Variants in C4orf50 observed in about 807,000 individuals in gnomAD.
C4orf50 encodes the protein uncharacterized protein C4orf50.
Under a neutral mutation model 77.2 loss-of-function variants are expected in C4orf50, and 80 were observed. That is an observed-to-expected ratio of 1.04 (90% CI 0.87 to 1.25). The LOEUF is 1.25. Ranked by LOEUF, C4orf50 falls within the 50% of genes most tolerant of loss-of-function variation. The pLI is 0.00. For missense variants in C4orf50, 1,257 were observed against 1,152.9 expected (o/e 1.09, Z -1.31); for synonymous variants, 532 against 465.3 (o/e 1.14, Z -1.84).
chr4:5,973,558 G>A, intron 31 of C4orf50, 101 bp downstream of exon 9: 2 of 992,040 alleles, frequency 2.0e-6, no homozygotes, highest in Non-Finnish European at 3.1e-6. Flanking sequence ...CGGTGGGAGG[G>A]AGGGAGGAAA....
intron 25 of C4orf50, among the ~76,000 whole-genome samples, chr4:6,003,678 TA>T (rs1721956152): frequency 7.4e-6 from 1 of 134,334 alleles, no homozygotes; most frequent in African/African-American, 2.8e-5. Flanking sequence ...ATGGTGATGA[TA>T]GTGATGATGG....
chr4:5,972,472 G>T (rs1200145324), intron 31 of C4orf50, among the ~76,000 whole-genome samples: 1 of 152,152 alleles, frequency 6.6e-6, no homozygotes, highest in Non-Finnish European at 1.5e-5. Flanking sequence ...GGGAGTCTGG[G>T]GCTCTGGATT....
chr4:5,975,139 CAAAAAAAAAAAAAAAAAAAAAAAAAAAAA>C (rs763836859), intron 30 of C4orf50, among the ~76,000 whole-genome samples: 8 of 82,832 alleles, frequency 9.7e-5, no homozygotes, highest in African/African-American at 2.5e-4. Flanking sequence ...CACTCCATCT[CAAAAAAAAAAAAAAAAAAAAAAAAAAAAA>C]AAAAAAAAAA....
chr4:5,953,135 C>G (rs542731267), downstream of C4orf50, among the ~76,000 whole-genome samples: 7 of 152,194 alleles, frequency 4.6e-5, no homozygotes, highest in East Asian at 1.4e-3. Context: ...GAGTGTGAGT[C>G]CCCGCCCCAC....
chr4:6,004,237 G>GATGGTGATGGTGATGATGTGATGGTGATA (rs1722085367), intron 25 of C4orf50, among the ~76,000 whole-genome samples: 2 of 52,688 alleles, frequency 3.8e-5, no homozygotes, highest in African/African-American at 1.4e-4. Context: ...TGATGGTGAT[G>GATGGTGATGGTGATGATGTGATGGTGATA]ATGATGGTGA....
chr4:6,002,819 G>A (rs1355299679), intron 25 of C4orf50, among the ~76,000 whole-genome samples: 1 of 152,222 alleles, frequency 6.6e-6, no homozygotes, highest in Non-Finnish European at 1.5e-5. Context: ...GCAGGGAATG[G>A]GAATTACATC....
chr4:5,934,173 G>T (rs1436861120), intron 7 of C4orf50, among the ~76,000 whole-genome samples: 2 of 152,118 alleles, frequency 1.3e-5, no homozygotes, highest in African/African-American at 4.8e-5. Context: ...CTCACTGGAT[G>T]GCTGTAGAGA....
intron 23 of C4orf50, 53 bp from the exon 2 acceptor site, chr4:6,012,021 T>G: frequency 2.5e-6 from 1 of 398,956 alleles, no homozygotes; most frequent in East Asian, 3.6e-5. Context: ...CAACATGGCC[T>G]AGGGCTTTTG....
chr4:5,902,636 TG>T (rs1716389545), intron 7 of C4orf50: 1 of 152,166 alleles, frequency 6.6e-6, no homozygotes, highest in Non-Finnish European at 1.5e-5. Context: ...GGGAAAGGTG[TG>T]GCCCCTTTTC....
rs1011817745 is a variant in C4orf50, at chr4:5,901,418, T to C, written c.*2475-3230A>G. On this transcript the variant is annotated intron_variant, in intron 7 of 7. Transcript: ENST00000324058. This position sits in a 1 kb window ranked among gnomAD's most constrained non-coding sequence, Gnocchi z 4.4. ...ACTGGGGAGGGGAGGCCACTTTCCCTAGTCTCGGAGCCAATAACTTGCAGA... is the reference window on the plus strand; with the variant it reads ...ACTGGGGAGGGGAGGCCACTTTCCCCAGTCTCGGAGCCAATAACTTGCAGA... The C allele has an allele frequency of 6.6e-6, 1 of 152,202 alleles. No individual in the cohort carries two copies. Among genetic ancestry groups the C allele is most frequent in the African/African-American group, 2.4e-5 (1 of 41,450 alleles). 9.4% of individuals were successfully genotyped at this position (152,202 alleles called of 1,614,324 possible).
At chr4:5,987,412 CAAAAAAAA>C (rs58512584) in intron 28 of C4orf50, among the ~76,000 whole-genome samples, 4 of 33,664 alleles carry the variant, frequency 1.2e-4, no homozygotes, top group South Asian at 2.0e-3. Context: ...CTCTGTCTCA[CAAAAAAAA>C]AAAAAAAAAA....
At position 5,935,810 on chromosome 4, in the gene C4orf50, A is replaced by AT. The variant is rs1560550465; in HGVS notation, c.*2474+21090_*2474+21091insA. 6.1e-5 allele frequency among the ~76,000 whole-genome samples: 9 copies of AT among 147,472 alleles called. 1 individual carries two copies. The highest frequency in any genetic ancestry group is 6.0e-5 in the Non-Finnish European group (4 of 66,776). On this transcript the variant is annotated intron_variant, in intron 7 of 7. Transcript: ENST00000324058. The stretch of plus-strand genomic sequence containing the variant: ...AAAAAAAAAAAAAAAAAAAAAAAAA[A>AT]GCCCCAGAGGCCAACATTACAAAAC...
chr4:5,968,412 G>A (rs909635026), intron 31 of C4orf50, among the ~76,000 whole-genome samples: 10 of 152,184 alleles, frequency 6.6e-5, no homozygotes, highest in African/African-American at 1.9e-4. Context: ...TGGCTCAGCC[G>A]TCTTCTGGTA....
At position 5,988,866 on chromosome 4, in the gene C4orf50, G is replaced by C. The variant is rs949681915; in HGVS notation, c.3180C>G (p.Ile1060Met). 5.2e-6 allele frequency: 8 copies of C among 1,536,046 alleles called. No individual in the cohort carries two copies. In the Admixed American group the frequency reaches 1.6e-4, roughly 30 times the overall value. ...CTTTATAACTGACGCCAAGCTCCGAGATCAGTGTCTGGAGCTTCCAGTTTT... is the reference window on the plus strand; with the variant it reads ...CTTTATAACTGACGCCAAGCTCCGACATCAGTGTCTGGAGCTTCCAGTTTT... Residue 1060 changes from isoleucine to methionine, a missense_variant, in exon 28 of 34, where the codon ATC (isoleucine) becomes ATG (methionine). Physicochemically the swap from Ile to Met is conservative, Grantham distance 10. Coordinates refer to ENST00000531445, the Ensembl canonical transcript of C4orf50.
rs984155486 is a variant in C4orf50 at position 5,959,237 on chromosome 4, A to G, written c.*138T>C. ...CTCAAGCTCTGACAATGAACACAAA[A>G]TCCCAAAGCCGAAGGCAAAACCACT... On this transcript the variant is annotated 3_prime_UTR_variant, in exon 34 of 34. Transcript: ENST00000531445. 1.4e-5 allele frequency: 14 copies of G among 1,030,314 alleles called. No homozygotes were observed. The African/African-American group carries it at 2.1e-4, about 15-fold the overall frequency. 63.8% of individuals were successfully genotyped at this position (1,030,314 alleles called of 1,614,324 possible).
At chr4:5,917,459 GC>G (rs1163250654) in intron 7 of C4orf50, among the ~76,000 whole-genome samples, 11 of 133,300 alleles carry the variant, frequency 8.3e-5, no homozygotes, top group African/African-American at 3.0e-4. Context: ...CTGTCACTAG[GC>G]TAGAGTGCAA....
chr4:5,926,270 G>A (rs1226107575), intron 7 of C4orf50, among the ~76,000 whole-genome samples: 1 of 152,178 alleles, frequency 6.6e-6, no homozygotes, highest in Admixed American at 6.5e-5. Flanking sequence ...AAGGAATGAC[G>A]TGCTATCACC....
chr4:5,920,942 C>T (rs1178186843), intron 7 of C4orf50, among the ~76,000 whole-genome samples: 1 of 150,690 alleles, frequency 6.6e-6, no homozygotes, highest in African/African-American at 2.4e-5. Context: ...TGGGAAGCCT[C>T]GGGTTGTACG....
At chr4:5,933,514 T>A (rs975725907) in intron 7 of C4orf50, among the ~76,000 whole-genome samples, 1 of 152,202 alleles carries the variant, frequency 6.6e-6, no homozygotes, top group Non-Finnish European at 1.5e-5. Context: ...CACACCAGAC[T>A]CCACGCCAGT....
Sources: gnomAD v4.1 joint callset for allele counts (sites outside exome capture counted in the v4.1 genomes callset) on GRCh38, gnomAD v4.1.1 for gene constraint, Gnocchi (gnomAD v3.1) non-coding constraint, MANE v1.5 for transcripts, NCBI Gene and HGNC (gene_info 2026-07-23, HGNC 2026-07-21) for gene names.